The following C12orf75 variants were observed in gnomAD, a reference collection of about 807,000 sequenced individuals.
The protein encoded by C12orf75 is chromosome 12 open reading frame 75.
C12orf75 carries 4 observed loss-of-function variants against 11.4 expected under a neutral mutation model. The ratio of observed to expected loss-of-function variants is 0.35; its 90% CI spans 0.17 to 0.80. The LOEUF (loss-of-function observed/expected upper bound fraction) is 0.80. Among genes scored for constraint, C12orf75 ranks in the 30% least tolerant of loss-of-function variants. The pLI is 0.52. For synonymous variants in C12orf75, 30 were observed against 30.0 expected (o/e 1.00, Z 0.00); for missense variants, 89 against 80.4 (o/e 1.11, Z -0.41).
intron 1 of C12orf75, among the ~76,000 whole-genome samples, chr12:105,347,628 G>A (rs1412324218): frequency 3.3e-5 from 5 of 152,150 alleles, no homozygotes; most frequent in African/African-American, 9.7e-5. Context: ...TGATTAGATG[G>A]GGCCCACCCA....
chr12:105,357,039 C>T (rs879165457), intron 2 of C12orf75, among the ~76,000 whole-genome samples: 3 of 152,322 alleles, frequency 2.0e-5, no homozygotes, highest in East Asian at 1.9e-4. Context: ...GAGACATGGT[C>T]GTTTTGGAGG....
intron 3 of C12orf75, chr12:105,366,231 A>T (rs985541700): frequency 1.1e-5 from 3 of 280,080 alleles, no homozygotes; most frequent in Admixed American, 4.8e-5. Context: ...TATTAGTAAG[A>T]TATCTTTGTG....
intron 1 of C12orf75, among the ~76,000 whole-genome samples, chr12:105,346,276 T>G (rs1036493601): frequency 1.3e-5 from 2 of 152,182 alleles, no homozygotes; most frequent in Non-Finnish European, 2.9e-5. Flanking sequence ...CTGAGCACCT[T>G]GGACACGTGT....
chr12:105,366,574 A>G (rs1167883571), intron 3 of C12orf75, 43 bp from the exon 4 acceptor site: 1 of 960,900 alleles, frequency 1.0e-6, no homozygotes, highest in South Asian at 1.6e-5. Flanking sequence ...CTTCCTGTAA[A>G]TAGATAGTAC....
chr12:105,366,550 C>T (rs60638533), intron 3 of C12orf75, 67 bp from the exon 4 acceptor site: 2 of 722,318 alleles, frequency 2.8e-6, no homozygotes, highest in Non-Finnish European at 4.7e-6. Context: ...TTGGAGTACT[C>T]CGTGCTTCTG....
intron 1 of C12orf75, among the ~76,000 whole-genome samples, chr12:105,344,086 C>T (rs78651473): frequency 0.016 from 2,364 of 152,210 alleles, 68 homozygotes; most frequent in African/African-American, 0.054. Context: ...CTTGATGGTG[C>T]CCATAGCTTG....
intron 2 of C12orf75, among the ~76,000 whole-genome samples, chr12:105,361,120 A>G (rs983727426): frequency 1.3e-5 from 2 of 152,104 alleles, no homozygotes; most frequent in Non-Finnish European, 2.9e-5. Flanking sequence ...CCCTCACAAG[A>G]GGGAGGCTCG....
At position 105,334,206 on chromosome 12, in the gene C12orf75, C is replaced by T. The variant is rs979240764; in HGVS notation, c.46+3269C>T. On this transcript the variant is annotated intron_variant, in intron 1 of 5. Coordinates refer to ENST00000443585, the MANE Select transcript of C12orf75 (RefSeq NM_001145199.2). ...AACTGTAAGCTTACACATCGTCCAC[C>T]CCTATGTGGGACCTCCTCTGCTGGG... Among the ~76,000 whole-genome samples the T allele has an allele frequency of 2.6e-5, 4 of 152,200 alleles. No individual in the cohort carries two copies. The East Asian group carries it at 7.7e-4, about 29-fold the overall frequency.
chr12:105,344,812 T>G (rs2136143557), intron 1 of C12orf75, among the ~76,000 whole-genome samples: 1 of 152,116 alleles, frequency 6.6e-6, no homozygotes, highest in South Asian at 2.1e-4. Flanking sequence ...CTTCCCTCTG[T>G]AAGACTTGCA....
At chr12:105,362,229 A>T (rs1325275042) in intron 2 of C12orf75, among the ~76,000 whole-genome samples, 10 of 151,816 alleles carry the variant, frequency 6.6e-5, no homozygotes, top group Non-Finnish European at 1.3e-4. Flanking sequence ...TACTAAAAAT[A>T]CAAAAAATTA....
chr12:105,355,174 C>CTT lies in C12orf75; in HGVS notation c.71+6552_71+6553dup, dbSNP rs1252177261. On this transcript the variant is annotated intron_variant, in intron 2 of 5. Transcript: ENST00000443585. ...TTTTCACGAATTTCTTTTTCTTTTTCTTTTTCTTTTTTTTTTTCAGAGTTT... is the reference window on the plus strand; with the variant it reads ...TTTTCACGAATTTCTTTTTCTTTTTCTTTTTTTCTTTTTTTTTTTCAGAGTTT... Among the ~76,000 whole-genome samples the CTT allele has an allele frequency of 8.7e-4, 66 of 75,544 alleles. 2 individuals carry two copies. Among genetic ancestry groups the CTT allele is most frequent in the African/African-American group, 1.4e-3 (38 of 26,390 alleles). 49.6% of individuals were successfully genotyped at this position (75,544 alleles called of 152,430 possible).
At chr12:105,343,124 T>C (rs1892593761) in intron 1 of C12orf75, among the ~76,000 whole-genome samples, 1 of 152,234 alleles carries the variant, frequency 6.6e-6, no homozygotes, top group Non-Finnish European at 1.5e-5. Context: ...TAGGAAGATA[T>C]TTAAAATTAT....
intron 2 of C12orf75, among the ~76,000 whole-genome samples, chr12:105,363,837 A>G (rs938938527): frequency 1.3e-5 from 2 of 152,204 alleles, no homozygotes; most frequent in Non-Finnish European, 2.9e-5. Context: ...TATGGCAACT[A>G]CATTATCATT....
chr12:105,365,765 A>C, intron 2 of C12orf75, 42 bp from the exon 3 acceptor site: 2 of 1,446,848 alleles, frequency 1.4e-6, no homozygotes. Flanking sequence ...GTCCCCGACT[A>C]TGTAACCAAG....
intron 1 of C12orf75, among the ~76,000 whole-genome samples, chr12:105,340,055 T>G (rs1043819390): frequency 6.6e-6 from 1 of 152,212 alleles, no homozygotes; most frequent in African/African-American, 2.4e-5. Context: ...TGGTTTTTAA[T>G]GTATACGACA....
intron 2 of C12orf75, among the ~76,000 whole-genome samples, chr12:105,355,209 G>GC (rs1892764706): frequency 2.5e-5 from 3 of 121,378 alleles, no homozygotes; most frequent in African/African-American, 3.3e-5. Flanking sequence ...TTGCTCTCTT[G>GC]CCCAGGCTGG....
chr12:105,355,157 A>G (rs1892760405), intron 2 of C12orf75, among the ~76,000 whole-genome samples: 1 of 144,024 alleles, frequency 6.9e-6, no homozygotes, highest in Non-Finnish European at 1.5e-5. Flanking sequence ...GGTTTTCACG[A>G]ATTTCTTTTT....
At chr12:105,355,389 C>T (rs868643161) in intron 2 of C12orf75, among the ~76,000 whole-genome samples, 6 of 152,056 alleles carry the variant, frequency 3.9e-5, no homozygotes, top group African/African-American at 9.7e-5. Flanking sequence ...AGGCTGGTCT[C>T]GAACTCCTGA....
chr12:105,356,475 C>A (rs1408343680), intron 2 of C12orf75, among the ~76,000 whole-genome samples: 3 of 116,312 alleles, frequency 2.6e-5, no homozygotes, highest in Non-Finnish European at 3.4e-5. Context: ...TTTAGATCAT[C>A]TCTAATAAGA....
Sources: allele counts gnomAD v4.1 joint callset (sites outside exome capture counted in the v4.1 genomes callset), GRCh38; gene constraint gnomAD v4.1.1; transcripts MANE v1.5; gene names NCBI Gene and HGNC (gene_info 2026-07-23, HGNC 2026-07-21).